Variants in TANC2 observed in about 807,000 individuals in gnomAD.
TANC2 encodes the protein protein TANC2.
In TANC2, 26 loss-of-function variants were observed where a neutral mutation model predicts 210.5. The ratio of observed to expected loss-of-function variants is 0.12; its 90% CI spans 0.09 to 0.17. TANC2 has a LOEUF of 0.17. TANC2 is among the 10% of genes least tolerant of loss of function. The pLI is 1.00. For synonymous variants in TANC2, 931 were observed against 967.1 expected, an observed-to-expected ratio of 0.96 and a Z score of 0.69; for missense variants, 2,129 against 2,608.9, an observed-to-expected ratio of 0.82 and a Z score of 4.01.
At chr17:63,097,440 A>G (rs531114437) in intron 3 of TANC2, among the ~76,000 whole-genome samples, 4 of 152,226 alleles carry the variant, frequency 2.6e-5, no homozygotes, top group Admixed American at 2.0e-4. Context: ...AAAAACTGCA[A>G]TTAGTTTTGC....
At chr17:63,050,026 A>T (rs918869163) in intron 2 of TANC2, among the ~76,000 whole-genome samples, 1 of 152,158 alleles carries the variant, frequency 6.6e-6, no homozygotes, top group Admixed American at 6.5e-5. Flanking sequence ...CTATTAGGAC[A>T]TGTTAAATTT....
intron 5 of TANC2, among the ~76,000 whole-genome samples, chr17:63,179,974 A>T (rs1469523403): frequency 9.5e-4 from 29 of 30,642 alleles, no homozygotes; most frequent in African/African-American, 5.5e-3. Context: ...ACATCTCTTT[A>T]AAAAAAAAAA....
intron 5 of TANC2, among the ~76,000 whole-genome samples, chr17:63,181,373 G>A (rs2040778518): frequency 6.6e-6 from 1 of 152,172 alleles, no homozygotes; most frequent in Non-Finnish European, 1.5e-5. Flanking sequence ...GAGTGGTATA[G>A]ACTACCCTCT....
intron 17 of TANC2, chr17:63,390,761 A>G (rs1198949234): frequency 6.6e-6 from 1 of 152,208 alleles, no homozygotes; most frequent in Admixed American, 6.5e-5. Context: ...CACGGCAGCC[A>G]GCCCTTCTTA....
chr17:62,972,758 T>G (rs1036041793), intron 1 of TANC2, among the ~76,000 whole-genome samples: 1 of 152,214 alleles, frequency 6.6e-6, no homozygotes, highest in Admixed American at 6.5e-5. Context: ...GCCTGCCACT[T>G]CTGTCTTCAA....
intron 9 of TANC2, among the ~76,000 whole-genome samples, chr17:63,277,735 G>A (rs1290147509): frequency 6.6e-6 from 1 of 151,784 alleles, no homozygotes; most frequent in African/African-American, 2.4e-5. Context: ...TAAAGGAACA[G>A]AGATAGTAAG....
intron 11 of TANC2, among the ~76,000 whole-genome samples, chr17:63,339,892 T>C (rs2046169516): frequency 6.6e-6 from 1 of 152,194 alleles, no homozygotes; most frequent in Non-Finnish European, 1.5e-5. Context: ...AATAGAAGTA[T>C]CAAATTTCTG....
chr17:63,382,859 C>G (rs1037100019), intron 15 of TANC2, among the ~76,000 whole-genome samples: 1 of 152,068 alleles, frequency 6.6e-6, no homozygotes, highest in Non-Finnish European at 1.5e-5. Context: ...GATTCTATAA[C>G]TTTTTTCTCT....
At chr17:63,370,168 C>T (rs548639583) in intron 14 of TANC2, among the ~76,000 whole-genome samples, 165 of 150,518 alleles carry the variant, frequency 1.1e-3, no homozygotes, top group Non-Finnish European at 1.3e-3. Flanking sequence ...CTTAGTCCTC[C>T]TTTCTTTTTT....
At chr17:63,341,586 T>C (rs2046230517) in intron 12 of TANC2, among the ~76,000 whole-genome samples, 1 of 152,214 alleles carries the variant, frequency 6.6e-6, no homozygotes, top group Admixed American at 6.5e-5. Flanking sequence ...TTATAACTCC[T>C]CATTGCTGGA....
At chr17:63,000,784 C>T (rs1172222222) in intron 1 of TANC2, among the ~76,000 whole-genome samples, 1 of 151,906 alleles carries the variant, frequency 6.6e-6, no homozygotes, top group East Asian at 1.9e-4. Context: ...TCAATTAGAC[C>T]AAACTGCCTT....
intron 5 of TANC2, among the ~76,000 whole-genome samples, chr17:63,173,214 T>G (rs1337841884): frequency 6.6e-6 from 1 of 152,152 alleles, no homozygotes; most frequent in Admixed American, 6.5e-5. Flanking sequence ...GAGAAATACA[T>G]GAAGTTTATC....
intron 5 of TANC2, among the ~76,000 whole-genome samples, chr17:63,181,903 C>T (rs1407191219): frequency 6.6e-6 from 1 of 152,184 alleles, no homozygotes; most frequent in African/African-American, 2.4e-5. Context: ...GTACTTGCCT[C>T]GTGTCACTAC....
chr17:63,339,914 A>G (rs1427649539), intron 11 of TANC2, among the ~76,000 whole-genome samples, 187 bp from the exon 12 acceptor site: 1 of 152,306 alleles, frequency 6.6e-6, no homozygotes, highest in Non-Finnish European at 1.5e-5. Context: ...TCTTACATAA[A>G]TCAGACGTTT....
At chr17:63,027,759 G>T (rs186796094) in intron 2 of TANC2, among the ~76,000 whole-genome samples, 11 of 152,040 alleles carry the variant, frequency 7.2e-5, no homozygotes, top group Admixed American at 5.9e-4. Context: ...TTTTAAAATT[G>T]GTATGATACA....
intron 9 of TANC2, among the ~76,000 whole-genome samples, chr17:63,279,016 T>G (rs2043979392): frequency 2.0e-5 from 3 of 152,130 alleles, no homozygotes; most frequent in Non-Finnish European, 4.4e-5. Context: ...TCTAGAGGTC[T>G]GCTGTACAAC....
intron 2 of TANC2, among the ~76,000 whole-genome samples, chr17:63,030,983 TGTA>T (rs1357032076): frequency 6.6e-6 from 1 of 152,082 alleles, no homozygotes. Flanking sequence ...GAGGAGCTGT[TGTA>T]GTATAAATTA....
Position 63,009,606 on chromosome 17 carries a change from G to A in TANC2, c.47G>A (p.Ser16Asn), listed in dbSNP as rs1271573443. ...ATGCTGCTTACTGGTGGGAAATCAA[G>A]TCGTAAAAACAGGTCAAGTGGTAAG... Residue 16 changes from serine (S) to asparagine (N), a missense_variant, in exon 2 of 28, where the codon AGT becomes AAT. Ser to Asn is a conservative substitution (Grantham distance 46). Around this residue, in one of 5 missense-constraint regions of TANC2, gnomAD observed 739 missense variants for 848.0 expected, o/e 0.87. Transcript: ENST00000689528. 5 of 1,612,994 alleles carry A rather than the reference G, an allele frequency of 3.1e-6. No homozygotes were observed. Among genetic ancestry groups the A allele is most frequent in the Non-Finnish European group, 4.2e-6 (5 of 1,179,292 alleles).
intron 12 of TANC2, among the ~76,000 whole-genome samples, chr17:63,346,619 G>T (rs1267446216): frequency 6.6e-6 from 1 of 152,206 alleles, no homozygotes; most frequent in African/African-American, 2.4e-5. Flanking sequence ...TGAACATCCA[G>T]TGTTGGTAAG....
Sources: gnomAD v4.1 joint callset for allele counts (sites outside exome capture counted in the v4.1 genomes callset) on GRCh38, gnomAD v4.1.1 for gene constraint, gnomAD v4.1.1 regional missense constraint, MANE v1.5 for transcripts, NCBI Gene and HGNC (gene_info 2026-07-23, HGNC 2026-07-21) for gene names.